RP1: variants seen among roughly 807,000 people sequenced by gnomAD.
RP1 encodes oxygen-regulated protein 1.
A neutral mutation model predicts 14.8 loss-of-function variants in RP1; 16 were observed. The ratio of observed to expected loss-of-function variants is 1.08; its 90% CI spans 0.73 to 1.65. The LOEUF (loss-of-function observed/expected upper bound fraction) is 1.65, where lower values mean the gene tolerates loss of function less well. Ranked by LOEUF, RP1 falls within the 40% of genes most tolerant of loss-of-function variation. The probability of loss-of-function intolerance (pLI) is 0.00; values close to 1 mark genes in which losing one functional copy is unlikely to be tolerated. For missense variants in RP1, 2,631 were observed against 2,535.0 expected, an observed-to-expected ratio of 1.04 and a Z score of -0.81; for synonymous variants, 876 against 883.6, an observed-to-expected ratio of 0.99 and a Z score of 0.15.
chr8:54,716,186 C>T (rs1282917967), intron 15 of RP1, among the ~76,000 whole-genome samples: 1 of 152,056 alleles, frequency 6.6e-6, no homozygotes, highest in Non-Finnish European at 1.5e-5. Flanking sequence ...CACAGTTTGG[C>T]TGAAAAGCCC....
rs113532231 is a variant in RP1 at position 54,722,264 on chromosome 8, G to GTT, written c.2389+1968_2389+1969dup. Among the ~76,000 whole-genome samples, 370 of 143,022 alleles carry GTT rather than the reference G, an allele frequency of 2.6e-3. 3 individuals carry two copies. The highest frequency in any genetic ancestry group is 4.5e-3 in the African/African-American group (173 of 38,296). The allele number at this position is 143,022 out of a possible 152,430, so 93.8% of individuals were successfully genotyped here. A position where few individuals can be genotyped will look rare whatever the true frequency, so the allele number is the denominator to read the frequency against. The stretch of plus-strand genomic sequence containing the variant: ...CAAGTCATTTTATTATTTTAGAATG[G>GTT]TTTTTTTTTTTGTGTGTGTGTGTGT... On this transcript the variant is annotated intron_variant, in intron 16 of 22. Coordinates refer to the RP1 transcript ENST00000636932.
rs571113454 is a variant in RP1 at position 54,617,720 on chromosome 8, T to C, written c.-13+1518T>C. Among the ~76,000 whole-genome samples the C allele has an allele frequency of 4.6e-5, 7 of 152,338 alleles. No homozygotes were observed. The East Asian group carries it at 1.2e-3, about 25-fold the overall frequency. On this transcript the variant is annotated intron_variant, in intron 1 of 3. Coordinates refer to ENST00000220676, the MANE Select transcript of RP1 (RefSeq NM_006269.2). ...TAGACATCCCTCCTTAATATTCTCT[T>C]GGTACCCCAACTCTTCCTCTTCTTC...
chr8:54,810,403 C>T (rs1585712017), intron 24 of RP1, among the ~76,000 whole-genome samples: 1 of 152,152 alleles, frequency 6.6e-6, no homozygotes, highest in South Asian at 2.1e-4. Context: ...TTTTTTAAGT[C>T]CCACCACTCT....
chr8:54,858,941 C>T (rs1396630136), intron 27 of RP1, among the ~76,000 whole-genome samples: 1 of 150,514 alleles, frequency 6.6e-6, no homozygotes, highest in African/African-American at 2.4e-5. Context: ...CATCAGTGCA[C>T]CGCCATGGCA....
chr8:54,726,537 G>A (rs1377362901), intron 17 of RP1: 19 of 1,467,890 alleles, frequency 1.3e-5, no homozygotes, highest in Admixed American at 1.3e-4. Flanking sequence ...TCTTCCTGTG[G>A]CCATTGCAGG....
chr8:54,739,777 C>A, intron 19 of RP1, among the ~76,000 whole-genome samples: 1 of 151,656 alleles, frequency 6.6e-6, no homozygotes, highest in South Asian at 2.1e-4. Context: ...AGCCATGTGC[C>A]ACATAGGATG....
At position 54,628,158 on chromosome 8, in the gene RP1, A is replaced by G; in HGVS notation, c.4276A>G (p.Arg1426Gly). The change falls in exon 4 of 4, where the codon AGG becomes GGG. Residue 1426 changes from arginine (R) to glycine (G), a missense_variant. Transcript: ENST00000220676. ...AGATGATTTTGAAAATTGTTCACTA[A>G]GGAAGTTTCAGGATGAAAATGCATA... The part of the protein sequence containing the change: ...SLDDFENCSL[R>G]KFQDENAYTS... 1 of 1,614,034 alleles carries G rather than the reference A, an allele frequency of 6.2e-7. No individual in the cohort carries two copies. Among genetic ancestry groups the G allele is most frequent in the South Asian group, 1.1e-5 (1 of 91,080 alleles).
intron 17 of RP1, among the ~76,000 whole-genome samples, chr8:54,734,134 T>G (rs1808856582): frequency 6.6e-6 from 1 of 152,210 alleles, no homozygotes; most frequent in Non-Finnish European, 1.5e-5. Flanking sequence ...CTTACCTATT[T>G]TATGTGAAAA....
intron 16 of RP1, chr8:54,720,320 GA>G: frequency 6.5e-7 from 1 of 1,527,940 alleles, no homozygotes; most frequent in Admixed American, 2.0e-5. Flanking sequence ...TGTTTACTCT[GA>G]AATGCTTTGA....
At chr8:54,861,587 A>C (rs1279503606) in intron 27 of RP1, among the ~76,000 whole-genome samples, 1 of 152,170 alleles carries the variant, frequency 6.6e-6, no homozygotes, top group African/African-American at 2.4e-5. Context: ...AGCTGAAATA[A>C]ACATTCTTTT....
At chr8:54,707,199 T>G (rs1435058094) in intron 15 of RP1, among the ~76,000 whole-genome samples, 1 of 152,174 alleles carries the variant, frequency 6.6e-6, no homozygotes, top group African/African-American at 2.4e-5. Flanking sequence ...AGTGCAGTCA[T>G]GCAATCTCGG....
upstream of RP1, among the ~76,000 whole-genome samples, chr8:54,612,264 GA>G (rs1400855610): frequency 5.9e-5 from 9 of 152,178 alleles, no homozygotes; most frequent in Admixed American, 3.3e-4. Context: ...CCAGAACACA[GA>G]AACTTAGTAT....
chr8:54,796,491 G>A (rs1810580081), intron 24 of RP1, among the ~76,000 whole-genome samples: 1 of 152,186 alleles, frequency 6.6e-6, no homozygotes, highest in South Asian at 2.1e-4. Context: ...TAATTATGAT[G>A]TAAGTTAACA....
intron 24 of RP1, among the ~76,000 whole-genome samples, chr8:54,787,665 G>T (rs1335155563): frequency 3.9e-5 from 6 of 152,292 alleles, no homozygotes; most frequent in Admixed American, 3.9e-4. Flanking sequence ...CTCCTAGAAA[G>T]TTGCTTTCTG....
chr8:54,867,808 C>A (rs985574126), intron 28 of RP1, among the ~76,000 whole-genome samples: 2 of 152,084 alleles, frequency 1.3e-5, no homozygotes, highest in African/African-American at 4.8e-5. Flanking sequence ...AATATGGTAG[C>A]CACTAGTCAC....
At position 54,625,839 on chromosome 8, in the gene RP1, G is replaced by A. The variant is rs550590089; in HGVS notation, c.1957G>A (p.Gly653Ser). Reference protein sequence around the residue: ...DRLINEFAQCGLTKLPKNEKK... With the variant: ...DRLINEFAQCSLTKLPKNEKK... ...ACTAATTAATGAATTTGCTCAGTGT[G>A]GTTTAACAAAACTTCCAAAAAATGA... Residue 653 changes from glycine to serine, a missense_variant, in exon 4 of 4, where the codon GGT (glycine) becomes AGT (serine). Gly to Ser is a moderately conservative substitution (Grantham distance 56). Coordinates refer to ENST00000220676, the MANE Select transcript of RP1 (RefSeq NM_006269.2). 1.2e-6 allele frequency: 2 copies of A among 1,613,324 alleles called. No homozygotes were observed. The highest frequency in any genetic ancestry group is 1.3e-5 in the African/African-American group (1 of 74,996).
At chr8:54,828,819 A>T (rs1228479207) in intron 24 of RP1, among the ~76,000 whole-genome samples, 1 of 151,916 alleles carries the variant, frequency 6.6e-6, no homozygotes, top group Non-Finnish European at 1.5e-5. Context: ...ACTAGGCAAT[A>T]AAAAATTTTC....
intron 28 of RP1, among the ~76,000 whole-genome samples, chr8:54,867,110 T>C (rs1812475695): frequency 6.6e-6 from 1 of 152,130 alleles, no homozygotes. Context: ...GCTCTGAATT[T>C]AGTAGGTGGC....
chr8:54,599,712 C>T (rs1350950241), intron 1 of RP1, among the ~76,000 whole-genome samples: 5 of 152,122 alleles, frequency 3.3e-5, no homozygotes, highest in Non-Finnish European at 7.4e-5. Context: ...GCCTTGGCCT[C>T]CCAAAGTACT....
Sources: allele counts gnomAD v4.1 joint callset (sites outside exome capture counted in the v4.1 genomes callset), GRCh38; gene constraint gnomAD v4.1.1; transcripts MANE v1.5; gene names NCBI Gene and HGNC (gene_info 2026-07-23, HGNC 2026-07-21).